The following ZNF438 variants were observed in gnomAD, a reference collection of about 807,000 sequenced individuals.
The protein encoded by ZNF438 is zinc finger protein 438.
Under a neutral mutation model 38.0 loss-of-function variants are expected in ZNF438, and 25 were observed. The observed-to-expected ratio is 0.66, with a 90% CI of 0.48 to 0.92. The LOEUF is 0.92. Ranked by LOEUF, ZNF438 falls within the 40% of genes least tolerant of loss-of-function variation. The pLI, the probability that ZNF438 is intolerant of heterozygous loss-of-function variation, is 0.00. For synonymous variants in ZNF438, 372 were observed against 364.1 expected (o/e 1.02, Z -0.25); for missense variants, 1,007 against 999.6 (o/e 1.01, Z -0.10).
chr10:30,935,866 G>A (rs1453272446), intron 2 of ZNF438, among the ~76,000 whole-genome samples: 1 of 152,064 alleles, frequency 6.6e-6, no homozygotes, highest in East Asian at 1.9e-4. Flanking sequence ...AGAACAGCAT[G>A]GGGGAACTGC....
chr10:31,017,903 A>T (rs2056320686), intron 1 of ZNF438, among the ~76,000 whole-genome samples: 1 of 152,240 alleles, frequency 6.6e-6, no homozygotes, highest in Non-Finnish European at 1.5e-5. Flanking sequence ...CAATGTCCCA[A>T]ACAGGCTTAT....
In ZNF438 at chr10:30,942,184, A is replaced by G. The variant is rs141203871; in HGVS notation, c.-191-533T>C. ...GGCTCTGCCTTATGGACTGAATACA[A>G]AGAGAAAGAGAGAAATGGGGAGGGA... On this transcript the variant is annotated intron_variant, in intron 1 of 5. Transcript: ENST00000413025. Among the ~76,000 whole-genome samples, 552 of 152,328 alleles carry G rather than the reference A, an allele frequency of 3.6e-3. 2 individuals are homozygous for G. Among genetic ancestry groups the G allele is most frequent in the African/African-American group, 0.013 (521 of 41,580 alleles).
chr10:30,970,139 CACACAT>C (rs916986004), intron 1 of ZNF438, among the ~76,000 whole-genome samples: 12 of 139,238 alleles, frequency 8.6e-5, no homozygotes, highest in African/African-American at 1.0e-4. Flanking sequence ...CACACACACA[CACACAT>C]ATACACACAC....
intron 1 of ZNF438, among the ~76,000 whole-genome samples, chr10:31,000,232 A>G (rs1177883042): frequency 6.6e-6 from 1 of 152,138 alleles, no homozygotes; most frequent in Non-Finnish European, 1.5e-5. Flanking sequence ...CATTTCAGGT[A>G]TTTCAGATAA....
At chr10:30,918,932 T>A (rs1258804716) in intron 2 of ZNF438, 1 of 152,190 alleles carries the variant, frequency 6.6e-6, no homozygotes, top group East Asian at 1.9e-4. Context: ...CACGCAGTCA[T>A]GAGCACAGGT....
At chr10:31,004,794 G>A (rs946109022) in intron 1 of ZNF438, among the ~76,000 whole-genome samples, 2 of 151,834 alleles carry the variant, frequency 1.3e-5, no homozygotes, top group African/African-American at 4.8e-5. Flanking sequence ...GAAGTGATAA[G>A]TAGAAATGTG....
chr10:30,966,488 G>T (rs2050132673), intron 1 of ZNF438, among the ~76,000 whole-genome samples: 1 of 152,000 alleles, frequency 6.6e-6, no homozygotes, highest in African/African-American at 2.4e-5. Flanking sequence ...GGCTAACACG[G>T]TGAAACCCTG....
chr10:30,852,503 C>A (rs1050855011), intron 4 of ZNF438, among the ~76,000 whole-genome samples: 1 of 152,156 alleles, frequency 6.6e-6, no homozygotes, highest in African/African-American at 2.4e-5. Context: ...CCACCGCGCC[C>A]GGCCCGTCAA....
chr10:30,890,826 T>G (rs2040588326), intron 3 of ZNF438, among the ~76,000 whole-genome samples: 1 of 152,360 alleles, frequency 6.6e-6, no homozygotes, highest in Non-Finnish European at 1.5e-5. Context: ...ATAACATGCT[T>G]ATAATTTCAC....
chr10:31,018,698 T>C (rs2056381689), intron 1 of ZNF438, among the ~76,000 whole-genome samples: 1 of 152,244 alleles, frequency 6.6e-6, no homozygotes, highest in Non-Finnish European at 1.5e-5. Flanking sequence ...AGAAAGTTTA[T>C]TCTCTTCCTT....
intron 3 of ZNF438, among the ~76,000 whole-genome samples, chr10:30,881,952 A>T (rs2039317731): frequency 6.6e-6 from 1 of 152,210 alleles, no homozygotes; most frequent in Admixed American, 6.5e-5. Flanking sequence ...TAAAACACAA[A>T]ACTTCTGAAA....
intron 1 of ZNF438, among the ~76,000 whole-genome samples, chr10:31,018,795 G>A (rs553604243): frequency 3.0e-4 from 45 of 152,326 alleles, no homozygotes; most frequent in Admixed American, 9.2e-4. Flanking sequence ...AGGAACCTAG[G>A]CAGAGGGATC....
At chr10:30,877,685 C>T (rs1353983291) in intron 3 of ZNF438, among the ~76,000 whole-genome samples, 1 of 152,014 alleles carries the variant, frequency 6.6e-6, no homozygotes, top group Admixed American at 6.5e-5. Flanking sequence ...AGGTGTTCTC[C>T]CCCATTCCCC....
At chr10:31,008,023 A>C (rs913096584) in intron 1 of ZNF438, among the ~76,000 whole-genome samples, 23 of 152,202 alleles carry the variant, frequency 1.5e-4, no homozygotes, top group African/African-American at 4.8e-4. Context: ...GATTCAGAAA[A>C]TCCTATTAAA....
chr10:30,851,800 A>G (rs2033682425), intron 4 of ZNF438, among the ~76,000 whole-genome samples: 1 of 152,158 alleles, frequency 6.6e-6, no homozygotes, highest in African/African-American at 2.4e-5. Flanking sequence ...GGGGTAGGGG[A>G]CTGAACACTA....
chr10:30,965,902 A>C (rs2994638), intron 1 of ZNF438, among the ~76,000 whole-genome samples: 112,842 of 152,062 alleles, frequency 0.74, 42,686 homozygotes, highest in African/African-American at 0.86. Context: ...GGCACATGTA[A>C]CCCCTGAATC....
At chr10:30,982,187 C>T (rs912654540) in intron 1 of ZNF438, among the ~76,000 whole-genome samples, 32 of 151,612 alleles carry the variant, frequency 2.1e-4, no homozygotes, top group Admixed American at 8.5e-4. Flanking sequence ...CTGCGAACTC[C>T]GCCTCCCGGG....
intron 3 of ZNF438, among the ~76,000 whole-genome samples, chr10:30,887,579 G>A (rs906841030): frequency 2.0e-4 from 30 of 151,968 alleles, no homozygotes; most frequent in South Asian, 4.1e-4. Flanking sequence ...TAGTAGAGAC[G>A]GGGTTTCACC....
chr10:30,918,588 C>G (rs2043920386), intron 2 of ZNF438, among the ~76,000 whole-genome samples: 1 of 152,088 alleles, frequency 6.6e-6, no homozygotes, highest in Non-Finnish European at 1.5e-5. Flanking sequence ...CGCATTTTCA[C>G]TCCTTGGAAA....
Sources: gnomAD v4.1 joint callset for allele counts (sites outside exome capture counted in the v4.1 genomes callset) on GRCh38, gnomAD v4.1.1 for gene constraint, MANE v1.5 for transcripts, NCBI Gene and HGNC (gene_info 2026-07-23, HGNC 2026-07-21) for gene names.